Variants in FAT3 observed in about 807,000 individuals in gnomAD.
FAT3 encodes FAT atypical cadherin 3, also known as protocadherin Fat 3.
FAT3 carries 95 observed loss-of-function variants against 310.2 expected under a neutral mutation model. That is an observed-to-expected ratio of 0.31 (90% CI 0.26 to 0.36). The LOEUF (loss-of-function observed/expected upper bound fraction) is 0.36, where lower values mean the gene tolerates loss of function less well. Ranked by LOEUF, FAT3 falls within the 10% of genes least tolerant of loss-of-function variation. The pLI, the probability that FAT3 is intolerant of heterozygous loss-of-function variation, is 1.00. For missense variants in FAT3, 5,408 were observed against 5,715.6 expected, an observed-to-expected ratio of 0.95 and a Z score of 1.74; for synonymous variants, 2,314 against 2,192.9, an observed-to-expected ratio of 1.06 and a Z score of -1.54.
intron 3 of FAT3, among the ~76,000 whole-genome samples, chr11:92,596,179 G>A (rs1939698589): frequency 6.6e-6 from 1 of 152,160 alleles, no homozygotes; most frequent in Non-Finnish European, 1.5e-5. Flanking sequence ...GCCTACTCGT[G>A]TTGGGTAGGC....
chr11:92,332,720 A>G (rs540494350), intron 1 of FAT3, among the ~76,000 whole-genome samples: 2 of 152,166 alleles, frequency 1.3e-5, no homozygotes, highest in Non-Finnish European at 2.9e-5. Context: ...AATAAAATAA[A>G]ATAATGTATT....
At chr11:92,582,210 AC>A (rs1340739236) in intron 3 of FAT3, among the ~76,000 whole-genome samples, 1 of 151,452 alleles carries the variant, frequency 6.6e-6, no homozygotes. Context: ...CTTTATTGCA[AC>A]CTGTTTTATC....
intron 2 of FAT3, among the ~76,000 whole-genome samples, chr11:92,473,140 T>C (rs1300195227): frequency 6.6e-6 from 1 of 152,210 alleles, no homozygotes; most frequent in African/African-American, 2.4e-5. Context: ...CAGCCTTCAC[T>C]TGTGACTCTG....
intron 5 of FAT3, 22 bp downstream of exon 5, chr11:92,762,192 C>A (rs2136086869): frequency 3.1e-6 from 5 of 1,589,762 alleles, no homozygotes; most frequent in South Asian, 1.1e-5. Flanking sequence ...CAAACTCCAG[C>A]AGCACAGCAG....
At chr11:92,789,199 G>A (rs1283139808) in intron 7 of FAT3, among the ~76,000 whole-genome samples, 1 of 152,128 alleles carries the variant, frequency 6.6e-6, no homozygotes, top group Non-Finnish European at 1.5e-5. Flanking sequence ...ATTACATGAT[G>A]GGTGGGATTT....
In FAT3 at chr11:92,290,577, C is replaced by T. The variant is rs759623370; in HGVS notation, c.-17-61519C>T. Reference sequence around the variant, plus strand: ...ATCGAGACCACCCTTTCCAACATGGCGAAACCCCATTTCCACACACACACA... The same window carrying T: ...ATCGAGACCACCCTTTCCAACATGGTGAAACCCCATTTCCACACACACACA... On this transcript the variant is annotated intron_variant, in intron 1 of 27. Coordinates refer to ENST00000525166, the MANE Select transcript of FAT3 (RefSeq NM_001367949.2). Among the ~76,000 whole-genome samples the T allele has an allele frequency of 4.0e-5, 6 of 151,690 alleles. No homozygotes were observed. The South Asian group carries it at 6.3e-4, about 16-fold the overall frequency.
intron 2 of FAT3, among the ~76,000 whole-genome samples, chr11:92,371,185 C>T (rs189165252): frequency 6.6e-6 from 1 of 152,290 alleles, no homozygotes; most frequent in Admixed American, 6.5e-5. Flanking sequence ...TTTTCTGTGC[C>T]AGGTGTTAAA....
chr11:92,524,789 G>A lies in FAT3; in HGVS notation c.3448G>A (p.Glu1150Lys). 1.2e-6 allele frequency: 2 copies of A among 1,613,778 alleles called. No individual in the cohort carries two copies. The highest frequency in any genetic ancestry group is 8.5e-7 in the Non-Finnish European group (1 of 1,179,832). ...GAATGACAATGCCCCGCTGACCTCAGAACCTATATATTATCCTGTTGTCAT... is the reference window on the plus strand; with the variant it reads ...GAATGACAATGCCCCGCTGACCTCAAAACCTATATATTATCCTGTTGTCAT... ...DVNDNAPLTS[E>K]PIYYPVVMEN... Residue 1150 changes from glutamate to lysine, a missense_variant, in exon 3 of 28, where the codon GAA (glutamate) becomes AAA (lysine). Coordinates refer to ENST00000525166, the MANE Select transcript of FAT3 (RefSeq NM_001367949.2).
intron 1 of FAT3, among the ~76,000 whole-genome samples, chr11:92,283,521 G>C (rs989541964): frequency 6.6e-6 from 1 of 152,162 alleles, no homozygotes; most frequent in Non-Finnish European, 1.5e-5. Flanking sequence ...TGAGCTAGCA[G>C]CTCAGTGAAT....
chr11:92,708,759 G>A (rs1221744870), intron 4 of FAT3, among the ~76,000 whole-genome samples: 1 of 152,200 alleles, frequency 6.6e-6, no homozygotes, highest in East Asian at 1.9e-4. Context: ...CACATGGTAT[G>A]CACTCAAAAA....
Position 92,317,528 on chromosome 11 carries a change from T to A in FAT3, c.-17-34568T>A, listed in dbSNP as rs146005247. ...GCTGTGCAAAAAATAAATAAAGCCA[T>A]TCTCTAAGGTATTGCTGAATATCAA... On this transcript the variant is annotated intron_variant, in intron 1 of 27. Transcript: ENST00000525166. 2.8e-3 allele frequency among the ~76,000 whole-genome samples: 424 copies of A among 152,304 alleles called. 1 individual carries two copies. The highest frequency in any genetic ancestry group is 9.5e-3 in the African/African-American group (393 of 41,560).
intron 2 of FAT3, among the ~76,000 whole-genome samples, chr11:92,359,744 C>G (rs1317829361): frequency 2.1e-5 from 3 of 141,204 alleles, no homozygotes; most frequent in Non-Finnish European, 4.6e-5. Context: ...GTTTTTTGTT[C>G]TTGCGATAGT....
intron 3 of FAT3, among the ~76,000 whole-genome samples, chr11:92,668,473 A>C (rs1943024885): frequency 6.6e-6 from 1 of 152,194 alleles, no homozygotes; most frequent in Non-Finnish European, 1.5e-5. Flanking sequence ...ACTGTGTCAC[A>C]TCTTAGTAGA....
intron 1 of FAT3, among the ~76,000 whole-genome samples, chr11:92,259,572 T>TA (rs11427669): frequency 0.31 from 47,420 of 151,332 alleles, 9,004 homozygotes; most frequent in African/African-American, 0.53. Context: ...TAAAAATAAA[T>TA]AAAAAAAGGA....
chr11:92,583,608 C>G (rs1938954250), intron 3 of FAT3, among the ~76,000 whole-genome samples: 1 of 151,888 alleles, frequency 6.6e-6, no homozygotes, highest in African/African-American at 2.4e-5. Context: ...CAATAGTTCT[C>G]TTGATGAATT....
intron 3 of FAT3, among the ~76,000 whole-genome samples, chr11:92,666,891 C>A (rs1942971982): frequency 6.6e-6 from 1 of 152,166 alleles, no homozygotes; most frequent in Non-Finnish European, 1.5e-5. Context: ...TCTCCTCACA[C>A]TCCATTGGTT....
chr11:92,403,392 C>T (rs1442845097), intron 2 of FAT3: 1 of 151,994 alleles, frequency 6.6e-6, no homozygotes, highest in Non-Finnish European at 1.5e-5. Context: ...CTTATTTTTC[C>T]CTAAAAAGGA....
chr11:92,264,527 C>A (rs1945878817), intron 1 of FAT3, among the ~76,000 whole-genome samples: 1 of 152,148 alleles, frequency 6.6e-6, no homozygotes, highest in South Asian at 2.1e-4. Flanking sequence ...ACTAGTAATT[C>A]AGAATAACCG....
intron 4 of FAT3, among the ~76,000 whole-genome samples, chr11:92,746,305 A>G (rs897242393): frequency 3.9e-5 from 6 of 152,222 alleles, no homozygotes; most frequent in Non-Finnish European, 5.9e-5. Flanking sequence ...GAGCAAAGCC[A>G]TGTCTTACAT....
Sources: allele counts gnomAD v4.1 joint callset (sites outside exome capture counted in the v4.1 genomes callset), GRCh38; gene constraint gnomAD v4.1.1; transcripts MANE v1.5; gene names NCBI Gene and HGNC (gene_info 2026-07-23, HGNC 2026-07-21).